NLRP14: variants seen among roughly 807,000 people sequenced by gnomAD.
NLRP14 encodes NLR family pyrin domain containing 14, also known as NACHT, LRR and PYD domains-containing protein 14.
In NLRP14, 105 loss-of-function variants were observed where a neutral mutation model predicts 94.7. That is an observed-to-expected ratio of 1.11 (90% CI 0.95 to 1.30). The LOEUF (loss-of-function observed/expected upper bound fraction) is 1.30, where lower values mean the gene tolerates loss of function less well. NLRP14 is among the 50% of genes most tolerant of loss of function. The probability of loss-of-function intolerance (pLI) is 0.00; values close to 1 mark genes in which losing one functional copy is unlikely to be tolerated. For synonymous variants in NLRP14, 508 were observed against 459.9 expected (o/e 1.10, Z -1.34); for missense variants, 1,362 against 1,254.1 (o/e 1.09, Z -1.30).
chr11:7,061,083 C>G (rs1852612825), intron 9 of NLRP14, among the ~76,000 whole-genome samples: 1 of 151,990 alleles, frequency 6.6e-6, no homozygotes, highest in Non-Finnish European at 1.5e-5. Context: ...TTTTTTAGAG[C>G]TATAAAGTCA....
chr11:7,042,268 A>T (rs967492599), intron 3 of NLRP14, 120 bp from the exon 4 acceptor site: 18 of 739,710 alleles, frequency 2.4e-5, no homozygotes, highest in Non-Finnish European at 4.1e-5. Context: ...CTCTGATTTC[A>T]GCCTATGTTC....
At chr11:7,022,754 C>A in intron 1 of NLRP14, among the ~76,000 whole-genome samples, 1 of 152,098 alleles carries the variant, frequency 6.6e-6, no homozygotes, top group Non-Finnish European at 1.5e-5. Context: ...TCCTGGAGAG[C>A]AAAAGAATAA....
chr11:7,045,883 C>T (rs1315941053), intron 4 of NLRP14, among the ~76,000 whole-genome samples: 1 of 151,984 alleles, frequency 6.6e-6, no homozygotes, highest in Non-Finnish European at 1.5e-5. Flanking sequence ...ATACTATTAT[C>T]TTCATTTATC....
chr11:7,089,472 C>T, the NLRP14 span: 1 of 1,269,302 alleles, frequency 7.9e-7, no homozygotes, highest in Non-Finnish European at 9.9e-7. Context: ...TGGCGGCGGC[C>T]CGCGGCGTTC....
At chr11:7,021,334 TAC>T (rs760167886) in intron 1 of NLRP14, among the ~76,000 whole-genome samples, 1 of 152,240 alleles carries the variant, frequency 6.6e-6, no homozygotes, top group Non-Finnish European at 1.5e-5. Flanking sequence ...ACTATATATT[TAC>T]AGTTTGGTGT....
rs760859561 is a variant in NLRP14, at chr11:7,043,439, G to A, written c.1413G>A (p.Glu471=). Residue 471 remains glutamate, a synonymous_variant, in exon 4 of 12, where the codon GAG becomes GAA. Transcript: ENST00000299481. The part of the protein sequence containing the change: ...MDSNIIQKDA[E]YENCYVFTHL... ...GCAATATTATTCAGAAGGACGCAGA[G>A]TATGAAAACTGCTATGTGTTCACCC... 13 of 1,614,082 alleles carry A rather than the reference G, an allele frequency of 8.1e-6. No homozygotes were observed. Among genetic ancestry groups the A allele is most frequent in the East Asian group, 6.7e-5 (3 of 44,896 alleles).
chr11:7,021,697 G>A (rs557559217), intron 1 of NLRP14, among the ~76,000 whole-genome samples: 48 of 151,822 alleles, frequency 3.2e-4, no homozygotes, highest in Non-Finnish European at 6.0e-4. Context: ...GGTCAGGTTT[G>A]TTACCTATGT....
chr11:7,038,904 C>T lies in NLRP14; in HGVS notation c.289+29C>T, dbSNP rs776731498. ...AGTGATGCTAGGGGCAAATCGGGGG[C>T]TAGGCAGGAAGGAAGTGTTTCCTGG... On this transcript the variant is annotated intron_variant, in intron 2 of 11. Transcript: ENST00000299481. The T allele has an allele frequency of 8.7e-6, 14 of 1,608,326 alleles. No homozygotes were observed. The South Asian group carries it at 1.4e-4, about 17-fold the overall frequency.
rs76900472 is a variant in NLRP14, at chr11:7,056,672, C to G, written c.2292-1005C>G. Among the ~76,000 whole-genome samples, 652 of 151,892 alleles carry G rather than the reference C, an allele frequency of 4.3e-3. 9 individuals are homozygous for G. The highest frequency in any genetic ancestry group is 0.015 in the African/African-American group (622 of 41,452). ...TTCATAAGTGGGATATATTTTCTTT[C>G]ATTTTTGTTCTGTTTTGCTTCCAAG... On this transcript the variant is annotated intron_variant, in intron 6 of 11. Coordinates refer to ENST00000299481, the MANE Select transcript of NLRP14 (RefSeq NM_176822.4).
At chr11:7,090,554 C>G in the NLRP14 span, 1 of 526,710 alleles carries the variant, frequency 1.9e-6, no homozygotes, top group South Asian at 2.3e-5. Context: ...TACTAGTCTT[C>G]TTACATTTAC....
At chr11:7,078,178 C>T in the NLRP14 span, among the ~76,000 whole-genome samples, 1 of 151,996 alleles carries the variant, frequency 6.6e-6, no homozygotes, top group Non-Finnish European at 1.5e-5. Flanking sequence ...GTGGCTCATG[C>T]CTGTAATCCT....
intron 1 of NLRP14, among the ~76,000 whole-genome samples, chr11:7,030,994 T>C (rs1852085082): frequency 6.6e-6 from 1 of 152,086 alleles, no homozygotes; most frequent in South Asian, 2.1e-4. Context: ...CTCCAGCCAA[T>C]GGGAAGAGAG....
the NLRP14 span, among the ~76,000 whole-genome samples, chr11:7,081,497 T>G: frequency 6.6e-6 from 1 of 152,178 alleles, no homozygotes; most frequent in East Asian, 1.9e-4. Flanking sequence ...TGTGATTGGA[T>G]GCCATCTTTT....
rs147389856 is a variant in NLRP14, at chr11:7,043,347, G to A, written c.1321G>A (p.Val441Met). The A allele has an allele frequency of 8.7e-4, 1,398 of 1,614,168 alleles. 17 individuals carry two copies. The African/African-American group carries it at 0.015, about 18-fold the overall frequency. The change falls in exon 4 of 12, where the codon GTG becomes ATG. Residue 441 changes from valine to methionine, a missense_variant. Val to Met is a conservative substitution (Grantham distance 21). Transcript: ENST00000299481. ...AAKGIWTMTY[V>M]FYRENLRRLG... Reference sequence around the variant, plus strand: ...CAAAGGAATATGGACTATGACTTACGTGTTTTACAGAGAAAATCTCAGAAG... The same window carrying A: ...CAAAGGAATATGGACTATGACTTACATGTTTTACAGAGAAAATCTCAGAAG...
chr11:7,058,511 T>C (rs1357848938), intron 8 of NLRP14, 61 bp downstream of exon 8: 19 of 1,257,932 alleles, frequency 1.5e-5, no homozygotes, highest in Admixed American at 1.4e-4. Flanking sequence ...ATGTTTAAAA[T>C]AGTAAAATAT....
downstream of NLRP14, among the ~76,000 whole-genome samples, chr11:7,074,303 A>G (rs1852845681): frequency 6.6e-6 from 1 of 152,252 alleles, no homozygotes; most frequent in African/African-American, 2.4e-5. Flanking sequence ...CATTTGGCAT[A>G]GGTGATACAT....
At position 7,043,504 on chromosome 11, in the gene NLRP14, T is replaced by C. The variant is rs1355536342; in HGVS notation, c.1478T>C (p.Met493Thr). ...VQEFFAAMFY[M>T]LKGSWEAGNP... The stretch of plus-strand genomic sequence containing the variant: ...GAGTTTTTTGCAGCTATGTTCTATA[T>C]GTTGAAAGGCAGTTGGGAAGCTGGG... The change falls in exon 4 of 12, where the codon ATG (methionine) becomes ACG (threonine). Residue 493 changes from methionine to threonine, a missense_variant. Met to Thr is a moderately conservative substitution (Grantham distance 81). Coordinates refer to ENST00000299481, the MANE Select transcript of NLRP14 (RefSeq NM_176822.4). 8 of 1,614,042 alleles carry C rather than the reference T, an allele frequency of 5.0e-6. No individual in the cohort carries two copies. In the Admixed American group the frequency reaches 5.0e-5, roughly 10 times the overall value.
chr11:7,071,039 C>T (rs1852787676), intron 11 of NLRP14, 134 bp from the exon 12 acceptor site: 1 of 950,958 alleles, frequency 1.1e-6, no homozygotes, highest in African/African-American at 1.6e-5. Flanking sequence ...CCCCACTCCT[C>T]ACCCATGTTA....
chr11:7,089,155 T>C, the NLRP14 span: 21 of 1,613,882 alleles, frequency 1.3e-5, no homozygotes, highest in Admixed American at 1.7e-5. Flanking sequence ...AAGCTGTTCA[T>C]TGGGGGCCTC....
Sources: allele counts gnomAD v4.1 joint callset (sites outside exome capture counted in the v4.1 genomes callset), GRCh38; gene constraint gnomAD v4.1.1; transcripts MANE v1.5; gene names NCBI Gene and HGNC (gene_info 2026-07-23, HGNC 2026-07-21).